DAZAP1: variants seen among roughly 807,000 people sequenced by gnomAD.
DAZAP1 encodes the protein DAZ associated protein 1, also known as DAZ-associated protein 1.
A neutral mutation model predicts 60.1 loss-of-function variants in DAZAP1; 6 were observed. The ratio of observed to expected loss-of-function variants is 0.10; its 90% CI spans 0.05 to 0.20. DAZAP1 has a LOEUF of 0.20. Ranked by LOEUF, DAZAP1 falls within the 10% of genes least tolerant of loss-of-function variation. The probability of loss-of-function intolerance (pLI) is 1.00; values close to 1 mark genes in which losing one functional copy is unlikely to be tolerated. For missense variants in DAZAP1, 366 were observed against 560.4 expected (o/e 0.65, Z 3.50); for synonymous variants, 235 against 215.9 (o/e 1.09, Z -0.78).
chr19:1,426,862 CCGTTAA>C lies in DAZAP1; in HGVS notation c.546+905_546+910del, dbSNP rs2083315950. On this transcript the variant is annotated intron_variant, in intron 7 of 11. Coordinates refer to ENST00000233078, the MANE Select transcript of DAZAP1 (RefSeq NM_018959.4). The surrounding 1 kb of genome is among the most constrained non-coding windows in gnomAD (Gnocchi z 5.4). Reference sequence around the variant, plus strand: ...GGCCTCCTTGGTGCGGCAGCTTCTCCCGTTAACGGAAGAAGACGCTTAGCCCCTCTG... The same window carrying C: ...GGCCTCCTTGGTGCGGCAGCTTCTCCCGGAAGAAGACGCTTAGCCCCTCTG... 2 of 152,204 alleles carry C rather than the reference CCGTTAA, an allele frequency of 1.3e-5. No homozygotes were observed. Among genetic ancestry groups the C allele is most frequent in the Admixed American group, 1.3e-4 (2 of 15,266 alleles). The allele number at this position is 152,204 out of a possible 1,614,324, so 9.4% of individuals were successfully genotyped here. A position where few individuals can be genotyped will look rare whatever the true frequency, so the allele number is the denominator to read the frequency against.
chr19:1,426,218 G>GGGGGCT lies in DAZAP1; in HGVS notation c.546+268_546+273dup, dbSNP rs996217831. The GGGGGCT allele has an allele frequency of 6.6e-6, 3 of 455,204 alleles. No individual in the cohort carries two copies. Among genetic ancestry groups the GGGGGCT allele is most frequent in the Admixed American group, 7.2e-5 (2 of 27,752 alleles). 28.2% of individuals were successfully genotyped at this position (455,204 alleles called of 1,614,324 possible). On this transcript the variant is annotated intron_variant, in intron 7 of 11. Transcript: ENST00000233078. The surrounding 1 kb of genome is among the most constrained non-coding windows in gnomAD (Gnocchi z 5.4). ...TGGGTGACCTGGGACTGGGCGGGTAGGGGGCTGGGGCTGGGAGGCTGTGGC... is the reference window on the plus strand; with the variant it reads ...TGGGTGACCTGGGACTGGGCGGGTAGGGGGCTGGGGCTGGGGCTGGGAGGCTGTGGC...
rs1223132792 is a variant in DAZAP1 at position 1,421,171 on chromosome 19, C to T, written c.327C>T (p.Asn109=). The T allele has an allele frequency of 1.9e-6, 3 of 1,614,184 alleles. No homozygotes were observed. Among genetic ancestry groups the T allele is most frequent in the African/African-American group, 2.7e-5 (2 of 75,068 alleles). ...EGWQKGPRSD[N]SKSNKIFVGG... ...AGCAGAAAGGACCCAGGAGCGATAA[C>T]AGTAAATCAAATAAGATATTTGTCG... Residue 109 remains asparagine, a synonymous_variant, in exon 5 of 12, where the codon AAC becomes AAT. Transcript: ENST00000233078.
rs2083514423 is a variant in DAZAP1 at position 1,433,645 on chromosome 19, G to T, written c.1048+955G>T. The T allele has an allele frequency of 3.0e-6, 3 of 999,700 alleles. No homozygotes were observed. Among genetic ancestry groups the T allele is most frequent in the South Asian group, 2.7e-5 (2 of 74,352 alleles). The allele number at this position is 999,700 out of a possible 1,614,324, so 61.9% of individuals were successfully genotyped here. ...CTGGCGTGTCTGAGACTGGCAGGGG[G>T]GTGTGAGGCGCCCGGTTGGGGCGTG... is the stretch of plus-strand genomic sequence containing the variant. On this transcript the variant is annotated intron_variant, in intron 11 of 11. Coordinates refer to ENST00000233078, the MANE Select transcript of DAZAP1 (RefSeq NM_018959.4). This position sits in a 1 kb window ranked among gnomAD's most constrained non-coding sequence, Gnocchi z 6.1.
chr19:1,417,923 G>C (rs2083034549), intron 2 of DAZAP1, among the ~76,000 whole-genome samples: 1 of 152,188 alleles, frequency 6.6e-6, no homozygotes, highest in South Asian at 2.1e-4. Context: ...GAGTTGTCTT[G>C]TTTGCCTTGC....
chr19:1,414,666 G>A (rs1406492264), intron 1 of DAZAP1, among the ~76,000 whole-genome samples: 2 of 151,976 alleles, frequency 1.3e-5, no homozygotes, highest in African/African-American at 4.8e-5. Context: ...AACCCGGGAG[G>A]CGGAGGTTGC....
intron 1 of DAZAP1, chr19:1,415,714 G>A (rs757764814): frequency 3.3e-5 from 5 of 152,156 alleles, no homozygotes; most frequent in Non-Finnish European, 4.4e-5. Flanking sequence ...GGGAGACGTA[G>A]GATTTTAAGT....
At chr19:1,412,533 C>G in intron 1 of DAZAP1, among the ~76,000 whole-genome samples, 1 of 152,184 alleles carries the variant, frequency 6.6e-6, no homozygotes, top group East Asian at 1.9e-4. Flanking sequence ...AGGGAAAGGT[C>G]GCCTGCCAAC....
rs1252907277 is a variant in DAZAP1, at chr19:1,433,754, C to T, written c.1049-983C>T. On this transcript the variant is annotated intron_variant, in intron 11 of 11. Coordinates refer to ENST00000233078, the MANE Select transcript of DAZAP1 (RefSeq NM_018959.4). The surrounding 1 kb of genome is among the most constrained non-coding windows in gnomAD (Gnocchi z 6.1). Reference sequence around the variant, plus strand: ...CTCTTGCCAGGCCTGGGTTCCTATTCTCCAGCCCCGCCGGGCTGCGGCCCA... The same window carrying T: ...CTCTTGCCAGGCCTGGGTTCCTATTTTCCAGCCCCGCCGGGCTGCGGCCCA... 1 of 1,613,908 alleles carries T rather than the reference C, an allele frequency of 6.2e-7. No homozygotes were observed. The highest frequency in any genetic ancestry group is 8.5e-7 in the Non-Finnish European group (1 of 1,179,866).
intron 1 of DAZAP1, chr19:1,409,760 T>G (rs2082771960): frequency 6.6e-6 from 1 of 152,348 alleles, no homozygotes; most frequent in Non-Finnish European, 1.5e-5. Context: ...GTGGGTGCCA[T>G]GCAGGAGGGT....
chr19:1,417,200 G>T (rs562323940), intron 1 of DAZAP1: 2 of 461,274 alleles, frequency 4.3e-6, no homozygotes, highest in African/African-American at 2.0e-5. Context: ...GCAGGTGAGC[G>T]TGGTGCCGTC....
In DAZAP1 at chr19:1,430,186, G is replaced by A. The variant is rs200433404; in HGVS notation, c.731-36G>A. On this transcript the variant is annotated intron_variant, in intron 9 of 11. Coordinates refer to ENST00000233078, the MANE Select transcript of DAZAP1 (RefSeq NM_018959.4). Reference sequence around the variant, plus strand: ...CTGTGGCCAGTCTGTGTTGTCCAGCGCTCTCTGTCCATCACCCCCGTACTG... The same window carrying A: ...CTGTGGCCAGTCTGTGTTGTCCAGCACTCTCTGTCCATCACCCCCGTACTG... 1.5e-4 allele frequency: 245 copies of A among 1,581,958 alleles called. No homozygotes were observed. The East Asian group carries it at 3.6e-3, about 23-fold the overall frequency.
chr19:1,418,647 G>C lies in DAZAP1; in HGVS notation c.238-19G>C, dbSNP rs372703024. 27 of 1,613,852 alleles carry C rather than the reference G, an allele frequency of 1.7e-5. No individual in the cohort carries two copies. Among genetic ancestry groups the C allele is most frequent in the Non-Finnish European group, 2.2e-5 (26 of 1,179,964 alleles). ...AACAGCCTCTTATTCACAACCAGCT[G>C]ATTTGAAATTTCCTGCAGATCGACC... On this transcript the variant is annotated intron_variant, in intron 3 of 11. Transcript: ENST00000233078. The surrounding 1 kb of genome is among the most constrained non-coding windows in gnomAD (Gnocchi z 5.7).
In DAZAP1 at chr19:1,432,154, A is replaced by G. The variant is rs530773521; in HGVS notation, c.872-360A>G. 53 of 294,830 alleles carry G rather than the reference A, an allele frequency of 1.8e-4. No individual in the cohort carries two copies. Among genetic ancestry groups the G allele is most frequent in the South Asian group, 1.7e-3 (47 of 26,982 alleles). The allele number at this position is 294,830 out of a possible 1,614,324, so 18.3% of individuals were successfully genotyped here. On this transcript the variant is annotated intron_variant, in intron 10 of 11. Transcript: ENST00000233078. The surrounding 1 kb of genome is among the most constrained non-coding windows in gnomAD (Gnocchi z 4.9). ...TGCCTGTGCTGGCAGCTTCCTAAAC[A>G]TGGGGACTGGGCATGGTGGCAGGTT...
chr19:1,430,416 G>A, intron 10 of DAZAP1, 54 bp downstream of exon 10: 1 of 1,442,634 alleles, frequency 6.9e-7, no homozygotes, highest in Non-Finnish European at 9.2e-7. Flanking sequence ...GAGATGCCAG[G>A]TGGTGGGCGG....
chr19:1,411,518 T>C (rs1466215528), intron 1 of DAZAP1, among the ~76,000 whole-genome samples: 1 of 152,198 alleles, frequency 6.6e-6, no homozygotes, highest in Non-Finnish European at 1.5e-5. Context: ...GAATGGGCCT[T>C]GAGGGTGGAT....
At chr19:1,413,649 C>T (rs2082889827) in intron 1 of DAZAP1, among the ~76,000 whole-genome samples, 1 of 152,192 alleles carries the variant, frequency 6.6e-6, no homozygotes, top group Non-Finnish European at 1.5e-5. Flanking sequence ...CAGAAACACA[C>T]AGTGTGGCCG....
chr19:1,434,046 C>T lies in DAZAP1; in HGVS notation c.1049-691C>T. On this transcript the variant is annotated intron_variant, in intron 11 of 11. Coordinates refer to ENST00000233078, the MANE Select transcript of DAZAP1 (RefSeq NM_018959.4). The surrounding 1 kb of genome is among the most constrained non-coding windows in gnomAD (Gnocchi z 8.0). ...GCCCACGTGCACCCGAATGGGAACC[C>T]AGAGGTCGTGGGAGGGGCTTCCTGC... 1 of 577,144 alleles carries T rather than the reference C, an allele frequency of 1.7e-6. No individual in the cohort carries two copies. The highest frequency in any genetic ancestry group is 2.9e-5 in the East Asian group (1 of 34,572). The allele number at this position is 577,144 out of a possible 1,614,324, so 35.8% of individuals were successfully genotyped here. A position where few individuals can be genotyped will look rare whatever the true frequency, so the allele number is the denominator to read the frequency against.
chr19:1,428,867 G>A lies in DAZAP1; in HGVS notation c.572G>A (p.Arg191Gln). ...GTGGAAGTTAAACGAGCTGAGCCTC[G>A]GGACAGCAAGAGCCAAGCGCCGGGA... ...KKVEVKRAEP[R>Q]DSKSQAPGQP... Residue 191 changes from arginine to glutamine, a missense_variant, in exon 8 of 12, where the codon CGG becomes CAG. Physicochemically the swap from Arg to Gln is conservative, Grantham distance 43. Around this residue, in one of 3 missense-constraint regions of DAZAP1, gnomAD observed 240 missense variants for 308.8 expected, o/e 0.78. Coordinates refer to ENST00000233078, the MANE Select transcript of DAZAP1 (RefSeq NM_018959.4). This position sits in a 1 kb window ranked among gnomAD's most constrained non-coding sequence, Gnocchi z 4.0. 1 of 1,613,046 alleles carries A rather than the reference G, an allele frequency of 6.2e-7. No individual in the cohort carries two copies. The highest frequency in any genetic ancestry group is 8.5e-7 in the Non-Finnish European group (1 of 1,179,878).
chr19:1,425,774 C>A lies in DAZAP1; in HGVS notation c.464-104C>A. ...CCGCAGCGCCCCACACACAGCTTAGCTGAAACCCAAGGTCGATCCCTCGGC... is the reference window on the plus strand; with the variant it reads ...CCGCAGCGCCCCACACACAGCTTAGATGAAACCCAAGGTCGATCCCTCGGC... On this transcript the variant is annotated intron_variant, in intron 6 of 11. Transcript: ENST00000233078. The surrounding 1 kb of genome is among the most constrained non-coding windows in gnomAD (Gnocchi z 5.4). 1 of 855,616 alleles carries A rather than the reference C, an allele frequency of 1.2e-6. No individual in the cohort carries two copies. The highest frequency in any genetic ancestry group is 2.0e-6 in the Non-Finnish European group (1 of 499,562). The allele number at this position is 855,616 out of a possible 1,614,324, so 53.0% of individuals were successfully genotyped here.
Sources: allele counts gnomAD v4.1 joint callset (sites outside exome capture counted in the v4.1 genomes callset), GRCh38; gene constraint gnomAD v4.1.1; regional missense constraint gnomAD v4.1.1; non-coding constraint Gnocchi (gnomAD v3.1); transcripts MANE v1.5; gene names NCBI Gene and HGNC (gene_info 2026-07-23, HGNC 2026-07-21).